The following CTNND2 variants were observed in gnomAD, a reference collection of about 807,000 sequenced individuals.
CTNND2 encodes catenin delta 2.
A neutral mutation model predicts 144.4 loss-of-function variants in CTNND2; 22 were observed. The ratio of observed to expected loss-of-function variants is 0.15; its 90% CI spans 0.11 to 0.22. CTNND2 has a LOEUF of 0.22. Ranked by LOEUF, CTNND2 falls within the 10% of genes least tolerant of loss-of-function variation. The pLI, the probability that CTNND2 is intolerant of heterozygous loss-of-function variation, is 1.00. For missense variants in CTNND2, 1,353 were observed against 1,618.8 expected (o/e 0.84, Z 2.82); for synonymous variants, 751 against 695.6 (o/e 1.08, Z -1.25).
chr5:11,189,235 C>T (rs1735998654), intron 11 of CTNND2, among the ~76,000 whole-genome samples: 1 of 152,138 alleles, frequency 6.6e-6, no homozygotes, highest in South Asian at 2.1e-4. Context: ...ATGATCTTGA[C>T]CATTAGGAAG....
intron 13 of CTNND2, among the ~76,000 whole-genome samples, chr5:11,114,879 T>C (rs939712643): frequency 6.6e-6 from 1 of 151,874 alleles, no homozygotes; most frequent in Non-Finnish European, 1.5e-5. Context: ...GAGTGGAAAA[T>C]GATGGTACAA....
intron 1 of CTNND2, among the ~76,000 whole-genome samples, chr5:11,846,393 T>G (rs1055507051): frequency 3.3e-5 from 5 of 152,090 alleles, no homozygotes; most frequent in Admixed American, 1.3e-4. Flanking sequence ...TATCCACATA[T>G]AGAAGAATGA....
chr5:11,496,786 T>C (rs1189688842), intron 3 of CTNND2, among the ~76,000 whole-genome samples: 1 of 152,196 alleles, frequency 6.6e-6, no homozygotes, highest in African/African-American at 2.4e-5. Flanking sequence ...AACAGTGGTA[T>C]ATGTTAGTTC....
At chr5:11,751,975 T>C (rs1445707844) in intron 1 of CTNND2, among the ~76,000 whole-genome samples, 3 of 151,868 alleles carry the variant, frequency 2.0e-5, no homozygotes, top group South Asian at 2.1e-4. Context: ...TGATGTTAAG[T>C]ACTTTTTCAT....
chr5:11,293,355 A>G (rs1748565678), intron 9 of CTNND2, among the ~76,000 whole-genome samples: 1 of 152,200 alleles, frequency 6.6e-6, no homozygotes, highest in African/African-American at 2.4e-5. Flanking sequence ...CTCTTTGGAA[A>G]TAGAAACTTG....
intron 12 of CTNND2, among the ~76,000 whole-genome samples, chr5:11,124,518 G>C (rs551465296): frequency 4.6e-5 from 7 of 152,314 alleles, no homozygotes; most frequent in Admixed American, 2.0e-4. Context: ...TGAACACCTA[G>C]ATCAGGAGTT....
At chr5:11,201,161 T>C (rs1023798370) in intron 10 of CTNND2, among the ~76,000 whole-genome samples, 1 of 152,250 alleles carries the variant, frequency 6.6e-6, no homozygotes, top group African/African-American at 2.4e-5. Context: ...TTTATCATTA[T>C]TGTCCGTCTT....
At chr5:11,206,991 A>G (rs1330464347) in intron 10 of CTNND2, among the ~76,000 whole-genome samples, 1 of 152,158 alleles carries the variant, frequency 6.6e-6, no homozygotes, top group Non-Finnish European at 1.5e-5. Context: ...ACAGTAGGAG[A>G]TTTAATCTAT....
chr5:11,793,935 T>C (rs1465577260), intron 1 of CTNND2, among the ~76,000 whole-genome samples: 1 of 152,254 alleles, frequency 6.6e-6, no homozygotes, highest in Non-Finnish European at 1.5e-5. Context: ...GTATTATCTC[T>C]AGGTTGACTC....
chr5:11,387,674 G>T (rs1377413144), intron 6 of CTNND2, among the ~76,000 whole-genome samples: 1 of 152,096 alleles, frequency 6.6e-6, no homozygotes, highest in East Asian at 1.9e-4. Flanking sequence ...AAGGTTTCAG[G>T]AGCACTCTCT....
rs371434885 is a variant in CTNND2 at position 11,584,426 on chromosome 5, G to T, written c.175-19370C>A. Among the ~76,000 whole-genome samples the T allele has an allele frequency of 2.5e-4, 34 of 135,132 alleles. 2 individuals are homozygous for T. The highest frequency in any genetic ancestry group is 7.8e-4 in the East Asian group (3 of 3,838). The allele number at this position is 135,132 out of a possible 152,430, so 88.7% of individuals were successfully genotyped here. A position where few individuals can be genotyped will look rare whatever the true frequency, so the allele number is the denominator to read the frequency against. On this transcript the variant is annotated intron_variant, in intron 2 of 21. Transcript: ENST00000304623. ...ATATACATATATATATATTTTTTTT[G>T]GGGGGGGGGAGGAGGAAGCTAGTAC... is the stretch of plus-strand genomic sequence containing the variant.
At chr5:11,506,180 T>C (rs1401880488) in intron 3 of CTNND2, among the ~76,000 whole-genome samples, 1 of 152,060 alleles carries the variant, frequency 6.6e-6, no homozygotes, top group African/African-American at 2.4e-5. Flanking sequence ...CAGACCTACA[T>C]ATTAGGGGGC....
chr5:11,757,342 T>C (rs1261748779), intron 1 of CTNND2, among the ~76,000 whole-genome samples: 1 of 151,794 alleles, frequency 6.6e-6, no homozygotes, highest in Admixed American at 6.6e-5. Flanking sequence ...TATTGATGTA[T>C]CATTTTTAGT....
At chr5:11,570,554 T>G (rs573197216) in intron 2 of CTNND2, among the ~76,000 whole-genome samples, 1 of 152,344 alleles carries the variant, frequency 6.6e-6, no homozygotes, top group African/African-American at 2.4e-5. Context: ...TTCAGGGTTT[T>G]GAGACAGTGA....
intron 19 of CTNND2, among the ~76,000 whole-genome samples, chr5:10,990,277 G>A (rs911316802): frequency 6.6e-6 from 1 of 152,212 alleles, no homozygotes; most frequent in Non-Finnish European, 1.5e-5. Context: ...TGAATCTGGG[G>A]AGATGTGAGG....
intron 9 of CTNND2, among the ~76,000 whole-genome samples, chr5:11,323,483 G>A (rs1044817937): frequency 3.3e-5 from 5 of 152,146 alleles, no homozygotes; most frequent in Admixed American, 3.3e-4. Context: ...AGTCATTGGG[G>A]TCTTATCCTT....
chr5:11,265,813 G>A (rs1745384792), intron 9 of CTNND2, among the ~76,000 whole-genome samples: 1 of 144,962 alleles, frequency 6.9e-6, no homozygotes, highest in Admixed American at 7.3e-5. Context: ...CCCAGTTCAA[G>A]CAATACTCCT....
chr5:11,441,166 C>G (rs1345864222), intron 3 of CTNND2, among the ~76,000 whole-genome samples: 1 of 151,878 alleles, frequency 6.6e-6, no homozygotes, highest in African/African-American at 2.4e-5. Flanking sequence ...CTTTTTGTTA[C>G]TGAAATGTGT....
rs1738341036 is a variant in CTNND2, at chr5:10,988,833, G to A, written c.3212-591C>T. 6.6e-6 allele frequency among the ~76,000 whole-genome samples: 1 copy of A among 152,152 alleles called. No homozygotes were observed. Among genetic ancestry groups the A allele is most frequent in the Non-Finnish European group, 1.5e-5 (1 of 68,030 alleles). ...GACCTTCTTTGTCTGTGGCTGGGGT[G>A]GGCTGGGGAGGGGCATGGAGGCAGC... is the stretch of plus-strand genomic sequence containing the variant. On this transcript the variant is annotated intron_variant, in intron 19 of 21. Transcript: ENST00000304623. The surrounding 1 kb of genome is among the most constrained non-coding windows in gnomAD (Gnocchi z 5.9).
Sources: gnomAD v4.1 joint callset for allele counts (sites outside exome capture counted in the v4.1 genomes callset) on GRCh38, gnomAD v4.1.1 for gene constraint, Gnocchi (gnomAD v3.1) non-coding constraint, MANE v1.5 for transcripts, NCBI Gene and HGNC (gene_info 2026-07-23, HGNC 2026-07-21) for gene names.